BCAS3: variants seen among roughly 807,000 people sequenced by gnomAD.
The protein encoded by BCAS3 is BCAS3 microtubule associated cell migration factor.
Under a neutral mutation model 116.1 loss-of-function variants are expected in BCAS3, and 53 were observed. The observed-to-expected ratio is 0.46, with a 90% confidence interval of 0.37 to 0.57. The LOEUF (loss-of-function observed/expected upper bound fraction) is 0.57. BCAS3 is among the 20% of genes least tolerant of loss of function. The probability of loss-of-function intolerance (pLI) is 0.00; values close to 1 mark genes in which losing one functional copy is unlikely to be tolerated. For synonymous variants in BCAS3, 391 were observed against 408.2 expected (o/e 0.96, Z 0.51); for missense variants, 917 against 1,165.4 (o/e 0.79, Z 3.10).
chr17:60,795,721 G>A (rs1384987772), intron 6 of BCAS3, among the ~76,000 whole-genome samples: 1 of 152,018 alleles, frequency 6.6e-6, no homozygotes, highest in Non-Finnish European at 1.5e-5. Flanking sequence ...GCGGAGTCTC[G>A]CTGTGTTGCC....
rs1316157315 is a variant in BCAS3 at position 61,182,333 on chromosome 17, G to T, written c.2425+97769G>T. Among the ~76,000 whole-genome samples, 3 of 151,804 alleles carry T rather than the reference G, an allele frequency of 2.0e-5. No homozygotes were observed. In the East Asian group the frequency reaches 5.8e-4, roughly 29 times the overall value. On this transcript the variant is annotated intron_variant, in intron 22 of 23. Coordinates refer to ENST00000407086, the MANE Select transcript of BCAS3 (RefSeq NM_017679.5). Reference sequence around the variant, plus strand: ...TGTGGACTATGAGTTTGTGATAACGGTTTTTTTTAACTTCTTATTTTGAAA... The same window carrying T: ...TGTGGACTATGAGTTTGTGATAACGTTTTTTTTTAACTTCTTATTTTGAAA...
intron 4 of BCAS3, among the ~76,000 whole-genome samples, chr17:60,694,480 A>T (rs544614798): frequency 6.6e-6 from 1 of 152,100 alleles, no homozygotes; most frequent in East Asian, 2.0e-4. Context: ...CAGCCTGGTG[A>T]CAGAGTGAGA....
chr17:60,876,005 T>A (rs1398527793), intron 9 of BCAS3, among the ~76,000 whole-genome samples: 3 of 152,064 alleles, frequency 2.0e-5, no homozygotes, highest in Non-Finnish European at 4.4e-5. Context: ...ATTTATTATC[T>A]ACGTCTGAAA....
rs935880592 is a variant in BCAS3 at position 61,313,499 on chromosome 17, A to G, written c.2426-54828A>G. On this transcript the variant is annotated intron_variant, in intron 22 of 23. Transcript: ENST00000407086. The surrounding 1 kb of genome is among the most constrained non-coding windows in gnomAD (Gnocchi z 4.3). Reference sequence around the variant, plus strand: ...AGAGTAGAAAAGAATTGCTGATCTCAAGCATTTTGTTACCAGAATAACCCC... The same window carrying G: ...AGAGTAGAAAAGAATTGCTGATCTCGAGCATTTTGTTACCAGAATAACCCC... 6.6e-6 allele frequency among the ~76,000 whole-genome samples: 1 copy of G among 152,220 alleles called. No individual in the cohort carries two copies. Among genetic ancestry groups the G allele is most frequent in the Non-Finnish European group, 1.5e-5 (1 of 68,038 alleles).
In BCAS3 at chr17:61,140,859, A is replaced by C. The variant is rs2076880536; in HGVS notation, c.2425+56295A>C. 6.6e-6 allele frequency among the ~76,000 whole-genome samples: 1 copy of C among 152,138 alleles called. No homozygotes were observed. Among genetic ancestry groups the C allele is most frequent in the Admixed American group, 6.5e-5 (1 of 15,278 alleles). On this transcript the variant is annotated intron_variant, in intron 22 of 23. Transcript: ENST00000407086. This position sits in a 1 kb window ranked among gnomAD's most constrained non-coding sequence, Gnocchi z 4.2. The stretch of plus-strand genomic sequence containing the variant: ...GGATTGATGGTACATGATTTAAGGG[A>C]AATCTTGTACTAATCTGCAAGTATC...
At chr17:60,751,234 G>T (rs1261773943) in intron 6 of BCAS3, among the ~76,000 whole-genome samples, 1 of 151,882 alleles carries the variant, frequency 6.6e-6, no homozygotes, top group Non-Finnish European at 1.5e-5. Flanking sequence ...AATAATAATT[G>T]ATTATTTTCT....
At position 60,973,586 on chromosome 17, in the gene BCAS3, A is replaced by ATATATATATAT. The variant is rs752524305; in HGVS notation, c.1222-16385_1222-16384insTATATATATAT. Among the ~76,000 whole-genome samples the ATATATATATAT allele has an allele frequency of 3.3e-3, 456 of 137,918 alleles. 11 individuals carry two copies. The highest frequency in any genetic ancestry group is 0.012 in the African/African-American group (427 of 34,904). 90.5% of individuals were successfully genotyped at this position (137,918 alleles called of 152,430 possible). A position where few individuals can be genotyped will look rare whatever the true frequency, so the allele number is the denominator to read the frequency against. ...TAGACATTGCTATTACCTTATTATT[A>ATATATATATAT]ATATATATATATATATATATATGTA... On this transcript the variant is annotated intron_variant, in intron 14 of 23. Coordinates refer to ENST00000407086, the MANE Select transcript of BCAS3 (RefSeq NM_017679.5).
Position 61,026,294 on chromosome 17 carries a change from A to G in BCAS3, c.1638-8372A>G, listed in dbSNP as rs2066237922. ...CTAATTTCCTGGATTATGGCCAAAA[A>G]TAGAGAAAAATTATACTAGTTGTAC... On this transcript the variant is annotated intron_variant, in intron 16 of 23. Transcript: ENST00000407086. This position sits in a 1 kb window ranked among gnomAD's most constrained non-coding sequence, Gnocchi z 5.0. Among the ~76,000 whole-genome samples the G allele has an allele frequency of 1.3e-5, 2 of 152,086 alleles. No homozygotes were observed. Among genetic ancestry groups the G allele is most frequent in the South Asian group, 4.1e-4 (2 of 4,838 alleles).
Position 61,307,561 on chromosome 17 carries a change from A to G in BCAS3, c.2426-60766A>G, listed in dbSNP as rs1292792941. Among the ~76,000 whole-genome samples the G allele has an allele frequency of 6.6e-6, 1 of 152,260 alleles. No individual in the cohort carries two copies. Among genetic ancestry groups the G allele is most frequent in the Non-Finnish European group, 1.5e-5 (1 of 68,042 alleles). On this transcript the variant is annotated intron_variant, in intron 22 of 23. Transcript: ENST00000407086. The surrounding 1 kb of genome is among the most constrained non-coding windows in gnomAD (Gnocchi z 4.7). ...TGGTGTCTACCTGTGTAAAATAGGA[A>G]TAATCCCAATCTTCTCAATGAGATT...
intron 22 of BCAS3, among the ~76,000 whole-genome samples, chr17:61,287,763 C>T (rs2051978406): frequency 6.6e-6 from 1 of 151,884 alleles, no homozygotes; most frequent in African/African-American, 2.4e-5. Flanking sequence ...CACCAACAAG[C>T]CAAAAAAGTA....
At chr17:61,223,281 C>A (rs1568607570) in intron 22 of BCAS3, among the ~76,000 whole-genome samples, 1 of 151,864 alleles carries the variant, frequency 6.6e-6, no homozygotes, top group Admixed American at 6.6e-5. Context: ...CCTCAGCCCC[C>A]CAATAGCTGG....
rs1333046241 is a variant in BCAS3 at position 61,357,000 on chromosome 17, C to T, written c.2426-11327C>T. The T allele has an allele frequency of 2.6e-5, 4 of 152,078 alleles. No individual in the cohort carries two copies. The highest frequency in any genetic ancestry group is 2.1e-4 in the South Asian group (1 of 4,826). 9.4% of individuals were successfully genotyped at this position (152,078 alleles called of 1,614,324 possible). A position where few individuals can be genotyped will look rare whatever the true frequency, so the allele number is the denominator to read the frequency against. On this transcript the variant is annotated intron_variant, in intron 22 of 23. Transcript: ENST00000407086. This position sits in a 1 kb window ranked among gnomAD's most constrained non-coding sequence, Gnocchi z 5.4. Reference sequence around the variant, plus strand: ...CATCGCAGCAAGGTCAGGTGCCTCCCGTGCTTCTTATGGGCCCACCTGGTC... The same window carrying T: ...CATCGCAGCAAGGTCAGGTGCCTCCTGTGCTTCTTATGGGCCCACCTGGTC...
chr17:61,241,398 C>CA lies in BCAS3; in HGVS notation c.2426-126926dup, dbSNP rs2047501483. Reference sequence around the variant, plus strand: ...TTTATGCTAATGATGAAAGAGAAGTCAAAGTAAATAAGCTTAATAAAATAA... The same window carrying CA: ...TTTATGCTAATGATGAAAGAGAAGTCAAAAGTAAATAAGCTTAATAAAATAA... On this transcript the variant is annotated intron_variant, in intron 22 of 23. Transcript: ENST00000407086. This position sits in a 1 kb window ranked among gnomAD's most constrained non-coding sequence, Gnocchi z 4.6. Among the ~76,000 whole-genome samples, 1 of 151,884 alleles carries CA rather than the reference C, an allele frequency of 6.6e-6. No homozygotes were observed. The highest frequency in any genetic ancestry group is 6.6e-5 in the Admixed American group (1 of 15,222).
Position 61,073,461 on chromosome 17 carries a change from A to G in BCAS3, c.2030-1459A>G, listed in dbSNP as rs1349619158. Among the ~76,000 whole-genome samples, 3 of 152,172 alleles carry G rather than the reference A, an allele frequency of 2.0e-5. No individual in the cohort carries two copies. Among genetic ancestry groups the G allele is most frequent in the Non-Finnish European group, 4.4e-5 (3 of 68,036 alleles). ...CTTTATTTGTATCTGTTTCACTAAGATACAGTTTTTCAAAATACTACCTTG... is the reference window on the plus strand; with the variant it reads ...CTTTATTTGTATCTGTTTCACTAAGGTACAGTTTTTCAAAATACTACCTTG... On this transcript the variant is annotated intron_variant, in intron 19 of 23. Transcript: ENST00000407086. The surrounding 1 kb of genome is among the most constrained non-coding windows in gnomAD (Gnocchi z 4.6).
Position 61,387,708 on chromosome 17 carries a change from C to T in BCAS3, c.2594-4269C>T, listed in dbSNP as rs2059927389. 6.6e-6 allele frequency among the ~76,000 whole-genome samples: 1 copy of T among 152,190 alleles called. No individual in the cohort carries two copies. Among genetic ancestry groups the T allele is most frequent in the African/African-American group, 2.4e-5 (1 of 41,436 alleles). On this transcript the variant is annotated intron_variant, in intron 23 of 23. Transcript: ENST00000407086. The surrounding 1 kb of genome is among the most constrained non-coding windows in gnomAD (Gnocchi z 6.2). ...CTCCAGCATGGGCATGGGGGCCGGT[C>T]TTAGTGATGCCGGAGCTGCCAGCAC...
intron 6 of BCAS3, among the ~76,000 whole-genome samples, chr17:60,794,231 C>T (rs1182801378): frequency 6.6e-6 from 1 of 152,128 alleles, no homozygotes; most frequent in East Asian, 1.9e-4. Flanking sequence ...TATTCATGTC[C>T]TTAGCCTACT....
At chr17:61,150,268 A>C (rs890660794) in intron 22 of BCAS3, among the ~76,000 whole-genome samples, 2 of 151,916 alleles carry the variant, frequency 1.3e-5, no homozygotes, top group Non-Finnish European at 1.5e-5. Context: ...TCTCATTCCC[A>C]CTCTTTAGGG....
chr17:60,679,435 T>G lies in BCAS3; in HGVS notation c.-5-18T>G. 6.3e-7 allele frequency: 1 copy of G among 1,586,190 alleles called. No homozygotes were observed. The highest frequency in any genetic ancestry group is 8.7e-7 in the Non-Finnish European group (1 of 1,155,772). ...CATGTTTTTCTGTTTTTTGTTTGTT[T>G]GTTTGTTCTGGAAACAGGTTTTATG... On this transcript the variant is annotated intron_variant, in intron 1 of 23. Transcript: ENST00000407086.
intron 22 of BCAS3, among the ~76,000 whole-genome samples, chr17:61,218,166 G>A (rs1429642536): frequency 1.3e-5 from 2 of 152,148 alleles, no homozygotes; most frequent in East Asian, 3.9e-4. Context: ...TGTTCCTCCT[G>A]GAGCTGACTA....
Sources: allele counts gnomAD v4.1 joint callset (sites outside exome capture counted in the v4.1 genomes callset), GRCh38; gene constraint gnomAD v4.1.1; non-coding constraint Gnocchi (gnomAD v3.1); transcripts MANE v1.5; gene names NCBI Gene and HGNC (gene_info 2026-07-23, HGNC 2026-07-21).